Variants in ZBED1 observed in about 807,000 individuals in gnomAD.
The protein encoded by ZBED1 is E3 SUMO-protein ligase ZBED1.
ZBED1 carries 19 observed loss-of-function variants against 49.7 expected under a neutral mutation model. The observed-to-expected ratio is 0.38, with a 90% CI of 0.27 to 0.56. The LOEUF (loss-of-function observed/expected upper bound fraction) is 0.56. Ranked by LOEUF, ZBED1 falls within the 20% of genes least tolerant of loss-of-function variation. The pLI is 0.70. For missense variants in ZBED1, 806 were observed against 972.6 expected, an observed-to-expected ratio of 0.83 and a Z score of 2.28; for synonymous variants, 439 against 440.3, an observed-to-expected ratio of 1.00 and a Z score of 0.04.
intron 1 of ZBED1, among the ~76,000 whole-genome samples, chrX:2,491,487 T>G (rs774953731): frequency 6.6e-6 from 1 of 152,164 alleles, no homozygotes; most frequent in East Asian, 1.9e-4. Context: ...CATAGAAGAA[T>G]CCACAAGTGG....
In ZBED1 at chrX:2,489,850, G is replaced by A; in HGVS notation, c.870C>T (p.Cys290=). The A allele has an allele frequency of 6.2e-7, 1 of 1,613,710 alleles. No individual in the cohort carries two copies. Residue 290 remains cysteine (C), a synonymous_variant, in exon 2 of 2, where the codon TGC becomes TGT. Transcript: ENST00000652001. ...TGCCGGCATTGAAGGTGTGGCCCAG[G>A]CAGGGCATGTGCACTGCGACGTCCA... ...SLLDVAVHMP[C]LGHTFNAGIQ... is the part of the protein sequence containing the mutation.
Position 2,488,620 on chromosome X carries a change from C to G in ZBED1, c.*15G>C, listed in dbSNP as rs199777292. On this transcript the variant is annotated 3_prime_UTR_variant, in exon 2 of 2. Coordinates refer to ENST00000652001, the MANE Select transcript of ZBED1 (RefSeq NM_001171136.2). ...GCTGCTGCGGGGATGACTTGTAAGACAACACGCTTCCTCGCTACAGGAAGC... is the reference window on the plus strand; with the variant it reads ...GCTGCTGCGGGGATGACTTGTAAGAGAACACGCTTCCTCGCTACAGGAAGC... 6.3e-7 allele frequency: 1 copy of G among 1,578,838 alleles called. No homozygotes were observed. Among genetic ancestry groups the G allele is most frequent in the African/African-American group, 1.4e-5 (1 of 73,754 alleles).
intron 1 of ZBED1, 102 bp downstream of exon 1, chrX:2,500,715 C>T: frequency 2.7e-6 from 1 of 374,028 alleles, no homozygotes; most frequent in Non-Finnish European, 3.7e-6. Context: ...GGGAGCGCCA[C>T]CGCCTCGCCA....
chrX:2,489,815 G>C lies in ZBED1; in HGVS notation c.905C>G (p.Ala302Gly). ...GHTFNAGIQQ[A>G]FQLPKLGALL... ...CGCCCCCAGCTTCGGGAGCTGGAAG[G>C]CCTGCTGGATGCCGGCATTGAAGGT... Residue 302 changes from alanine (A) to glycine (G), a missense_variant, in exon 2 of 2, where the codon GCC (alanine) becomes GGC (glycine). Physicochemically the swap from Ala to Gly is moderately conservative, Grantham distance 60. Transcript: ENST00000652001. 1 of 1,613,588 alleles carries C rather than the reference G, an allele frequency of 6.2e-7. No individual in the cohort carries two copies. Among genetic ancestry groups the C allele is most frequent in the Non-Finnish European group, 8.5e-7 (1 of 1,179,880 alleles).
At chrX:2,493,502 G>GCACA (rs2045210313) in intron 1 of ZBED1, among the ~76,000 whole-genome samples, 1 of 151,460 alleles carries the variant, frequency 6.6e-6, no homozygotes, top group African/African-American at 2.4e-5. Context: ...GCTGAAAGCG[G>GCACA]TTCTGGAACC....
intron 1 of ZBED1, chrX:2,500,261 C>G (rs1193619458): frequency 1.2e-5 from 2 of 163,564 alleles, no homozygotes; most frequent in East Asian, 3.3e-4. Flanking sequence ...GAAGCCGCCT[C>G]TGGGCCCCCT....
Position 2,489,881 on chromosome X carries a change from G to GGT in ZBED1, c.838_839insAC (p.Ser280TyrfsTer69), listed in dbSNP as rs1361330319. On this transcript the variant is annotated frameshift_variant, in exon 2 of 2. Transcript: ENST00000652001. LOFTEE classifies it high-confidence loss of function. Reference sequence around the variant, plus strand: ...CATGTGCACTGCGACGTCCAGCAGGGAGCACGCCTTCACGATGTCCTTGCC... The same window carrying GGT: ...CATGTGCACTGCGACGTCCAGCAGGGGTAGCACGCCTTCACGATGTCCTTGCC... 1 of 1,613,832 alleles carries GGT rather than the reference G, an allele frequency of 6.2e-7. No homozygotes were observed. Among genetic ancestry groups the GGT allele is most frequent in the Non-Finnish European group, 8.5e-7 (1 of 1,179,872 alleles).
At position 2,487,355 on chromosome X, in the gene ZBED1, C is replaced by A. The variant is rs1062804; in HGVS notation, c.*1280G>T. The stretch of plus-strand genomic sequence containing the variant: ...ACACCGAAGACATAACCTCCGGACC[C>A]GTGAGCCACCCACTTTTGTTTTGTT... On this transcript the variant is annotated 3_prime_UTR_variant, in exon 2 of 2. Coordinates refer to ENST00000652001, the MANE Select transcript of ZBED1 (RefSeq NM_001171136.2). 42,830 of 148,914 alleles carry A rather than the reference C, an allele frequency of 0.29. 7,005 individuals carry two copies. The highest frequency in any genetic ancestry group is 0.41 in the Admixed American group (6,110 of 14,972). The allele number at this position is 148,914 out of a possible 1,614,324, so 9.2% of individuals were successfully genotyped here.
rs369883429 is a variant in ZBED1 at position 2,490,731 on chromosome X, C to T, written c.-12G>A. 44 of 1,606,618 alleles carry T rather than the reference C, an allele frequency of 2.7e-5. No homozygotes were observed. The highest frequency in any genetic ancestry group is 3.1e-5 in the Non-Finnish European group (36 of 1,175,540). On this transcript the variant is annotated 5_prime_UTR_variant, in exon 2 of 2. Transcript: ENST00000652001. ...CTTTTATTCTCCATTGCTTCTCCAC[C>T]GGAGCCTGCCTGCTGGACGGCTGCT...
At chrX:2,500,786 G>C in intron 1 of ZBED1, 31 bp downstream of exon 1, 10 of 641,200 alleles carry the variant, frequency 1.6e-5, no homozygotes, top group Non-Finnish European at 1.9e-5. Context: ...CCGGGTCCCC[G>C]GAGCCCTGAC....
Position 2,500,936 on chromosome X carries a change from G to A in ZBED1, c.-173C>T. 1 of 1,052,002 alleles carries A rather than the reference G, an allele frequency of 9.5e-7. No individual in the cohort carries two copies. Among genetic ancestry groups the A allele is most frequent in the Non-Finnish European group, 1.1e-6 (1 of 874,226 alleles). The allele number at this position is 1,052,002 out of a possible 1,614,324, so 65.2% of individuals were successfully genotyped here. A position where few individuals can be genotyped will look rare whatever the true frequency, so the allele number is the denominator to read the frequency against. ...AGACAATGGCGACATGGCTGCCCCG[G>A]CCGCGCCGCCGCCGCTTCCGCGCCG... is the stretch of plus-strand genomic sequence containing the variant. On this transcript the variant is annotated 5_prime_UTR_variant, in exon 1 of 2. Transcript: ENST00000652001.
intron 1 of ZBED1, among the ~76,000 whole-genome samples, chrX:2,494,269 C>CATT (rs201608969): frequency 4.0e-4 from 60 of 150,944 alleles, no homozygotes; most frequent in South Asian, 1.3e-3. Context: ...TATATTATTA[C>CATT]ATTATTATTA....
intron 1 of ZBED1, among the ~76,000 whole-genome samples, chrX:2,500,111 C>A (rs1425253136): frequency 6.6e-6 from 1 of 152,228 alleles, no homozygotes; most frequent in African/African-American, 2.4e-5. Flanking sequence ...GCGGTCATCA[C>A]TGATGAGTTC....
rs775129749 is a variant in ZBED1, at chrX:2,488,722, C to T, written c.1998G>A (p.Glu666=). 1.9e-6 allele frequency: 3 copies of T among 1,613,858 alleles called. No homozygotes were observed. Among genetic ancestry groups the T allele is most frequent in the South Asian group, 1.1e-5 (1 of 91,082 alleles). ...ACACCTGCTCCTGGTCCAGGCCCCACTCCCCCTCGTCCTGGTCCTCGGGTT... is the reference window on the plus strand; with the variant it reads ...ACACCTGCTCCTGGTCCAGGCCCCATTCCCCCTCGTCCTGGTCCTCGGGTT... The part of the protein sequence containing the change: ...EAEPEDQDEG[E]WGLDQEQVFS... Residue 666 remains glutamate (E), a synonymous_variant, in exon 2 of 2, where the codon GAG becomes GAA. Transcript: ENST00000652001.
intron 1 of ZBED1, among the ~76,000 whole-genome samples, chrX:2,494,605 CA>C (rs2045236830): frequency 6.6e-6 from 1 of 151,828 alleles, no homozygotes; most frequent in South Asian, 2.1e-4. Flanking sequence ...TCTGGCACTT[CA>C]GTCAAAGGTT....
In ZBED1 at chrX:2,500,915, A is replaced by C. The variant is rs2045412233; in HGVS notation, c.-152T>G. ...CCGCAGGGCCGCCCGCGCCGCAGAC[A>C]ATGGCGACATGGCTGCCCCGGCCGC... On this transcript the variant is annotated 5_prime_UTR_variant, in exon 1 of 2. The change creates a new upstream start codon in the 5' untranslated region. Coordinates refer to ENST00000652001, the MANE Select transcript of ZBED1 (RefSeq NM_001171136.2). 1.8e-6 allele frequency: 2 copies of C among 1,104,194 alleles called. No individual in the cohort carries two copies. The highest frequency in any genetic ancestry group is 5.5e-5 in the East Asian group (1 of 18,166). 68.4% of individuals were successfully genotyped at this position (1,104,194 alleles called of 1,614,324 possible).
rs756022792 is a variant in ZBED1 at position 2,488,593 on chromosome X, G to A, written c.*42C>T. Reference sequence around the variant, plus strand: ...AAGTATTTACAGCAAAGCATCCAATGGGCTGCTGCGGGGATGACTTGTAAG... The same window carrying A: ...AAGTATTTACAGCAAAGCATCCAATAGGCTGCTGCGGGGATGACTTGTAAG... On this transcript the variant is annotated 3_prime_UTR_variant, in exon 2 of 2. Transcript: ENST00000652001. 3.9e-6 allele frequency: 6 copies of A among 1,541,408 alleles called. No homozygotes were observed. In the East Asian group the frequency reaches 6.8e-5, roughly 17 times the overall value.
intron 1 of ZBED1, among the ~76,000 whole-genome samples, chrX:2,500,062 T>C (rs1317625016): frequency 6.6e-6 from 1 of 152,058 alleles, no homozygotes; most frequent in African/African-American, 2.4e-5. Context: ...AACCTGCAAA[T>C]CTAGGAACAG....
At chrX:2,499,436 T>C (rs191677125) in intron 1 of ZBED1, among the ~76,000 whole-genome samples, 1 of 152,328 alleles carries the variant, frequency 6.6e-6, no homozygotes, top group Non-Finnish European at 1.5e-5. Flanking sequence ...TTCCCTTTAT[T>C]CCAGTTCACA....
Sources: allele counts gnomAD v4.1 joint callset (sites outside exome capture counted in the v4.1 genomes callset), GRCh38; gene constraint gnomAD v4.1.1; transcripts MANE v1.5; gene names NCBI Gene and HGNC (gene_info 2026-07-23, HGNC 2026-07-21).